Variants in DLG2 observed in about 807,000 individuals in gnomAD.
DLG2 encodes disks large homolog 2.
In DLG2, 45 loss-of-function variants were observed where a neutral mutation model predicts 132.5. The observed-to-expected ratio is 0.34, with a 90% confidence interval of 0.27 to 0.44. The LOEUF is 0.44. Among genes scored for constraint, DLG2 ranks in the 20% least tolerant of loss-of-function variants. The pLI, the probability that DLG2 is intolerant of heterozygous loss-of-function variation, is 1.00. For synonymous variants in DLG2, 424 were observed against 419.6 expected, an observed-to-expected ratio of 1.01 and a Z score of -0.13; for missense variants, 1,045 against 1,196.9, an observed-to-expected ratio of 0.87 and a Z score of 1.87.
At chr11:84,255,099 T>C (rs913190570) in intron 7 of DLG2, among the ~76,000 whole-genome samples, 1 of 152,190 alleles carries the variant, frequency 6.6e-6, no homozygotes, top group South Asian at 2.1e-4. Context: ...AGATGAATTC[T>C]GAGCATGGCC....
chr11:85,543,678 TCTAA>T (rs1331922066), intron 3 of DLG2, among the ~76,000 whole-genome samples: 3 of 152,184 alleles, frequency 2.0e-5, no homozygotes, highest in Non-Finnish European at 2.9e-5. Context: ...TGATCACCAT[TCTAA>T]CTGTCGTGAG....
chr11:84,573,035 A>G (rs1214387381), intron 6 of DLG2, among the ~76,000 whole-genome samples: 1 of 152,198 alleles, frequency 6.6e-6, no homozygotes. Context: ...TTTAGCTTAC[A>G]AATACAATAA....
chr11:83,994,120 A>AT (rs1422888675), intron 11 of DLG2, among the ~76,000 whole-genome samples: 1 of 152,024 alleles, frequency 6.6e-6, no homozygotes, highest in South Asian at 2.1e-4. Flanking sequence ...TCTTTATCTC[A>AT]TTTTTAGTGA....
intron 4 of DLG2, among the ~76,000 whole-genome samples, chr11:85,248,627 A>T (rs1475304354): frequency 6.6e-6 from 1 of 152,056 alleles, no homozygotes; most frequent in Non-Finnish European, 1.5e-5. Context: ...AGAAACAAAA[A>T]TTCCTAGTGA....
At chr11:84,780,863 C>A (rs2071624427) in intron 6 of DLG2, among the ~76,000 whole-genome samples, 1 of 151,746 alleles carries the variant, frequency 6.6e-6, no homozygotes, top group Admixed American at 6.6e-5. Flanking sequence ...ATTCAGCTTC[C>A]TTTATGCCAT....
intron 3 of DLG2, among the ~76,000 whole-genome samples, chr11:85,546,741 T>C (rs965028321): frequency 2.7e-5 from 4 of 147,932 alleles, no homozygotes; most frequent in Non-Finnish European, 4.5e-5. Flanking sequence ...TTTTCCATTA[T>C]GTAATGGCCT....
At chr11:84,481,923 C>T (rs2099138840) in intron 7 of DLG2, among the ~76,000 whole-genome samples, 1 of 152,172 alleles carries the variant, frequency 6.6e-6, no homozygotes, top group Admixed American at 6.5e-5. Flanking sequence ...ACAAACTCAT[C>T]TAGGTCTGTC....
At chr11:85,270,016 T>A (rs949056483) in intron 4 of DLG2, among the ~76,000 whole-genome samples, 8 of 152,196 alleles carry the variant, frequency 5.3e-5, no homozygotes, top group Admixed American at 2.0e-4. Flanking sequence ...TTAGCTATCA[T>A]TAAAATGTGT....
intron 6 of DLG2, among the ~76,000 whole-genome samples, chr11:84,795,165 C>A (rs1186309584): frequency 6.6e-6 from 1 of 152,208 alleles, no homozygotes; most frequent in East Asian, 1.9e-4. Flanking sequence ...AAACCCCAGA[C>A]TTCGCCGGAC....
At chr11:84,566,072 C>A (rs1288603278) in intron 6 of DLG2, among the ~76,000 whole-genome samples, 1 of 151,450 alleles carries the variant, frequency 6.6e-6, no homozygotes, top group African/African-American at 2.4e-5. Flanking sequence ...AATTCTCCTG[C>A]CTCAGCCTCT....
chr11:84,928,958 A>ATGTGTGTGTGTGTGTG (rs1186822886), intron 6 of DLG2, among the ~76,000 whole-genome samples: 3 of 52,880 alleles, frequency 5.7e-5, no homozygotes, highest in Admixed American at 5.3e-4. Flanking sequence ...ACTCTCTGAT[A>ATGTGTGTGTGTGTGTG]TGTGTGTGTG....
At chr11:85,474,887 C>G (rs918952255) in intron 3 of DLG2, among the ~76,000 whole-genome samples, 1 of 151,330 alleles carries the variant, frequency 6.6e-6, no homozygotes, top group Non-Finnish European at 1.5e-5. Context: ...TTATATCTTT[C>G]AATGCTTACA....
chr11:84,208,011 A>C (rs1191594806), intron 8 of DLG2, among the ~76,000 whole-genome samples: 1 of 152,208 alleles, frequency 6.6e-6, no homozygotes, highest in African/African-American at 2.4e-5. Context: ...GTATCCCTGA[A>C]CCTGAAATAA....
rs75611265 is a variant in DLG2, at chr11:85,377,239, T to C, written c.41-91874A>G. Among the ~76,000 whole-genome samples the C allele has an allele frequency of 2.1e-3, 325 of 152,308 alleles. 3 individuals are homozygous for C. Among genetic ancestry groups the C allele is most frequent in the African/African-American group, 7.5e-3 (312 of 41,580 alleles). ...TACAAATTAAATCTGTAACACATAA[T>C]GGAAGTTCTAGTCCTAGGAAGCAAC... On this transcript the variant is annotated intron_variant, in intron 3 of 27. Transcript: ENST00000376104.
At chr11:85,503,759 T>C (rs2093860016) in intron 3 of DLG2, among the ~76,000 whole-genome samples, 1 of 151,918 alleles carries the variant, frequency 6.6e-6, no homozygotes, top group African/African-American at 2.4e-5. Context: ...CAGCAAGACA[T>C]TATTTCTACT....
In DLG2 at chr11:84,348,487, A is replaced by T. The variant is rs2098548712; in HGVS notation, c.520-97196T>A. Among the ~76,000 whole-genome samples the T allele has an allele frequency of 9.8e-5, 15 of 152,320 alleles. No homozygotes were observed. The South Asian group carries it at 3.1e-3, about 32-fold the overall frequency. ...AAGAGTAATATTCAGGGATCTCTGG[A>T]ATAAATAACTTAGGTTTGTTAGCTG... On this transcript the variant is annotated intron_variant, in intron 7 of 27. Coordinates refer to ENST00000376104, the MANE Select transcript of DLG2 (RefSeq NM_001142699.3).
intron 6 of DLG2, among the ~76,000 whole-genome samples, chr11:84,884,206 T>G (rs928647846): frequency 6.6e-6 from 1 of 152,104 alleles, no homozygotes; most frequent in Non-Finnish European, 1.5e-5. Flanking sequence ...ATAAAAGCTT[T>G]TAATTTTAAG....
chr11:84,161,087 G>C (rs1018378689), intron 9 of DLG2, among the ~76,000 whole-genome samples: 3 of 152,220 alleles, frequency 2.0e-5, no homozygotes, highest in African/African-American at 7.2e-5. Context: ...AGATGAGTGA[G>C]TGTTTCTCTA....
At chr11:84,027,194 C>A (rs898294916) in intron 11 of DLG2, among the ~76,000 whole-genome samples, 4 of 152,086 alleles carry the variant, frequency 2.6e-5, no homozygotes, top group African/African-American at 9.7e-5. Flanking sequence ...TCAGGTCTCT[C>A]ACTTCTGCTT....
Sources: allele counts gnomAD v4.1 joint callset (sites outside exome capture counted in the v4.1 genomes callset), GRCh38; gene constraint gnomAD v4.1.1; transcripts MANE v1.5; gene names NCBI Gene and HGNC (gene_info 2026-07-23, HGNC 2026-07-21).